DCHS2: variants seen among roughly 807,000 people sequenced by gnomAD.
The protein encoded by DCHS2 is protocadherin-23.
A neutral mutation model predicts 182.4 loss-of-function variants in DCHS2; 142 were observed. That is an observed-to-expected ratio of 0.78 (90% confidence interval 0.68 to 0.89). The LOEUF is 0.89. Ranked by LOEUF, DCHS2 falls within the 40% of genes least tolerant of loss-of-function variation. The pLI is 0.00. For missense variants in DCHS2, 4,319 were observed against 4,198.6 expected (o/e 1.03, Z -0.79); for synonymous variants, 1,740 against 1,663.3 (o/e 1.05, Z -1.12).
chr4:154,240,841 AGT>A lies in DCHS2; in HGVS notation c.7073-20_7073-19del. On this transcript the variant is annotated intron_variant, in intron 17 of 19. Transcript: ENST00000357232. ...CAAAGAATCTGAAATAGTCATGACC[AGT>A]GTCAGTCTCCATTAAAATTCATCCT... 6.2e-7 allele frequency: 1 copy of A among 1,610,414 alleles called. No homozygotes were observed.
chr4:154,464,933 T>A (rs1735176364), intron 1 of DCHS2, among the ~76,000 whole-genome samples: 1 of 152,164 alleles, frequency 6.6e-6, no homozygotes, highest in African/African-American at 2.4e-5. Context: ...GGAAAAGAGA[T>A]CTTTCTACCT....
At chr4:154,287,823 T>C (rs1385391893) in intron 13 of DCHS2, among the ~76,000 whole-genome samples, 1 of 152,118 alleles carries the variant, frequency 6.6e-6, no homozygotes, top group African/African-American at 2.4e-5. Context: ...TTTGGTTGAT[T>C]GTTTGTTTAT....
At chr4:154,333,682 A>T (rs893470567) in intron 4 of DCHS2, 188 bp from the exon 5 acceptor site, 1 of 645,898 alleles carries the variant, frequency 1.5e-6, no homozygotes, top group South Asian at 2.0e-5. Context: ...GTGCTCACAT[A>T]CATAAATCCT....
intron 2 of DCHS2, among the ~76,000 whole-genome samples, chr4:154,376,588 A>G (rs540235113): frequency 1.3e-5 from 2 of 152,348 alleles, no homozygotes; most frequent in South Asian, 2.1e-4. Flanking sequence ...TAATAAATGC[A>G]AAAGGAATAA....
At chr4:154,314,119 T>C (rs1463293913) in intron 10 of DCHS2, among the ~76,000 whole-genome samples, 4 of 152,050 alleles carry the variant, frequency 2.6e-5, no homozygotes, top group Non-Finnish European at 5.9e-5. Flanking sequence ...AAAAATAAAA[T>C]TCATAAAATA....
chr4:154,400,418 C>T (rs1471822127), intron 1 of DCHS2, among the ~76,000 whole-genome samples: 1 of 151,418 alleles, frequency 6.6e-6, no homozygotes, highest in African/African-American at 2.4e-5. Context: ...CAGAAATGTA[C>T]ACTACACTCT....
chr4:154,323,048 A>T, intron 7 of DCHS2: 1 of 692,182 alleles, frequency 1.4e-6, no homozygotes. Context: ...ATATTTCTTT[A>T]ATCTATGGAT....
At chr4:154,469,978 C>T (rs1355210351) in intron 1 of DCHS2, among the ~76,000 whole-genome samples, 1 of 152,156 alleles carries the variant, frequency 6.6e-6, no homozygotes, top group Non-Finnish European at 1.5e-5. Flanking sequence ...TCTTCTCCCA[C>T]AAGAAAACAA....
rs1266543496 is a variant in DCHS2, at chr4:154,491,329, G to T, written c.27C>A (p.Gly9=). The change falls in exon 1 of 20, where the codon GGC becomes GGA. Residue 9 remains glycine (G), a synonymous_variant. Coordinates refer to ENST00000357232, the MANE Select transcript of DCHS2 (RefSeq NM_001358235.2). MSPCGRKM[G]EGRQQRRAPV... ...GAGCCCGCCGCTGCTGACGCCCTTC[G>T]CCCATCTTCCGCCCACAAGGGCTCA... 11 of 1,543,870 alleles carry T rather than the reference G, an allele frequency of 7.1e-6. No homozygotes were observed. Among genetic ancestry groups the T allele is most frequent in the Non-Finnish European group, 4.4e-6 (5 of 1,141,974 alleles).
chr4:154,357,887 T>A (rs1270726098), intron 3 of DCHS2, among the ~76,000 whole-genome samples: 1 of 152,190 alleles, frequency 6.6e-6, no homozygotes, highest in Non-Finnish European at 1.5e-5. Flanking sequence ...CTTAAGAAAC[T>A]TCTCCTTTAT....
chr4:154,331,325 T>A lies in DCHS2; in HGVS notation c.3730+1153A>T, dbSNP rs142049220. Among the ~76,000 whole-genome samples the A allele has an allele frequency of 4.1e-4, 62 of 152,278 alleles. 1 individual carries two copies. The highest frequency in any genetic ancestry group is 1.4e-3 in the African/African-American group (59 of 41,562). On this transcript the variant is annotated intron_variant, in intron 5 of 19. Coordinates refer to ENST00000357232, the MANE Select transcript of DCHS2 (RefSeq NM_001358235.2). ...AATTAGGAATGGACACCTCGTTTTC[T>A]TGTAGGGGAGGGAAGATCACGGGGG... is the stretch of plus-strand genomic sequence containing the variant.
intron 1 of DCHS2, among the ~76,000 whole-genome samples, chr4:154,433,381 G>GTT (rs371333630): frequency 8.5e-4 from 108 of 127,420 alleles, no homozygotes; most frequent in East Asian, 2.6e-3. Flanking sequence ...CAAATAACTA[G>GTT]TTTTTTTTTT....
chr4:154,329,848 G>T, intron 5 of DCHS2, 138 bp from the exon 6 acceptor site: 2 of 680,502 alleles, frequency 2.9e-6, no homozygotes, highest in Non-Finnish European at 4.5e-6. Context: ...TAGTAGTTTG[G>T]CTCTATGGTA....
intron 1 of DCHS2, among the ~76,000 whole-genome samples, chr4:154,405,857 G>GT (rs999529811): frequency 4.6e-5 from 7 of 152,030 alleles, no homozygotes; most frequent in Middle Eastern, 3.2e-3. Flanking sequence ...TGTCTCGTAA[G>GT]TTTTTTTTAT....
intron 3 of DCHS2, among the ~76,000 whole-genome samples, chr4:154,362,340 A>G (rs1375212881): frequency 6.6e-6 from 1 of 152,182 alleles, no homozygotes; most frequent in African/African-American, 2.4e-5. Flanking sequence ...TTTTAAATAA[A>G]GTTTTGCTCC....
intron 3 of DCHS2, among the ~76,000 whole-genome samples, chr4:154,341,593 T>TAC (rs1186100789): frequency 5.4e-5 from 4 of 74,698 alleles, no homozygotes; most frequent in African/African-American, 1.2e-4. Flanking sequence ...TTCATATATA[T>TAC]ACACATACAT....
rs1730959412 is a variant in DCHS2 at position 154,377,417 on chromosome 4, G to T, written c.2080C>A (p.Leu694Ile). 6.2e-7 allele frequency: 1 copy of T among 1,612,930 alleles called. No homozygotes were observed. The highest frequency in any genetic ancestry group is 1.3e-5 in the African/African-American group (1 of 74,858). Reference sequence around the variant, plus strand: ...AGAGAATATTCAATAAAGCCATAGAGTCCTGAATCTGCATCAGAGGCTGTC... The same window carrying T: ...AGAGAATATTCAATAAAGCCATAGATTCCTGAATCTGCATCAGAGGCTGTC... Reference protein sequence around the residue: ...QVTASDADSGLYGFIEYSLYD... With the variant: ...QVTASDADSGIYGFIEYSLYD... The change falls in exon 2 of 20, where the codon CTC (leucine) becomes ATC (isoleucine). Residue 694 changes from leucine (L) to isoleucine (I), a missense_variant. Coordinates refer to ENST00000357232, the MANE Select transcript of DCHS2 (RefSeq NM_001358235.2).
chr4:154,323,666 A>G (rs1037062929), intron 7 of DCHS2, among the ~76,000 whole-genome samples: 3 of 152,364 alleles, frequency 2.0e-5, no homozygotes, highest in African/African-American at 7.2e-5. Flanking sequence ...GAAAAACTCT[A>G]CGCCTGATTC....
Position 154,452,729 on chromosome 4 carries a change from AT to A in DCHS2, c.2052+36574del, listed in dbSNP as rs922818825. On this transcript the variant is annotated intron_variant, in intron 1 of 19. Coordinates refer to ENST00000357232, the MANE Select transcript of DCHS2 (RefSeq NM_001358235.2). Reference sequence around the variant, plus strand: ...TCTAAATCCATCCAAATAACCCTAAATTTTTTTTCTGAAACTAAGAAGGATC... The same window carrying A: ...TCTAAATCCATCCAAATAACCCTAAATTTTTTTCTGAAACTAAGAAGGATC... Among the ~76,000 whole-genome samples, 6 of 152,166 alleles carry A rather than the reference AT, an allele frequency of 3.9e-5. No individual in the cohort carries two copies. In the East Asian group the frequency reaches 5.8e-4, roughly 15 times the overall value.
Sources: gnomAD v4.1 joint callset for allele counts (sites outside exome capture counted in the v4.1 genomes callset) on GRCh38, gnomAD v4.1.1 for gene constraint, MANE v1.5 for transcripts, NCBI Gene and HGNC (gene_info 2026-07-23, HGNC 2026-07-21) for gene names.